DGKB: variants seen among roughly 807,000 people sequenced by gnomAD.
DGKB encodes the protein 90 kDa diacylglycerol kinase.
Under a neutral mutation model 114.3 loss-of-function variants are expected in DGKB, and 67 were observed. The ratio of observed to expected loss-of-function variants is 0.59; its 90% CI spans 0.48 to 0.72. The LOEUF (loss-of-function observed/expected upper bound fraction) is 0.72. Ranked by LOEUF, DGKB falls within the 30% of genes least tolerant of loss-of-function variation. DGKB has a pLI of 0.00. For missense variants in DGKB, 907 were observed against 975.2 expected, an observed-to-expected ratio of 0.93 and a Z score of 0.93; for synonymous variants, 398 against 323.1, an observed-to-expected ratio of 1.23 and a Z score of -2.49.
At chr7:14,372,966 C>A (rs771035520) in intron 21 of DGKB, among the ~76,000 whole-genome samples, 29 of 152,120 alleles carry the variant, frequency 1.9e-4, no homozygotes, top group Non-Finnish European at 3.2e-4. Flanking sequence ...TATCTCCTGG[C>A]CATTTTATGG....
chr7:14,569,904 G>C (rs1015526115), intron 20 of DGKB, among the ~76,000 whole-genome samples: 2 of 151,224 alleles, frequency 1.3e-5, no homozygotes, highest in African/African-American at 4.8e-5. Flanking sequence ...TCTTTATATA[G>C]GTCATGTGTA....
intron 4 of DGKB, among the ~76,000 whole-genome samples, chr7:14,738,850 A>G (rs1317093171): frequency 6.6e-6 from 1 of 152,230 alleles, no homozygotes; most frequent in East Asian, 1.9e-4. Flanking sequence ...CCATAATTAT[A>G]CCTTAAAACA....
At chr7:14,519,828 C>A (rs1789453497) in intron 20 of DGKB, among the ~76,000 whole-genome samples, 1 of 151,726 alleles carries the variant, frequency 6.6e-6, no homozygotes, top group Admixed American at 6.6e-5. Flanking sequence ...TCTTCATTTT[C>A]TTATTAGCAT....
intron 23 of DGKB, chr7:14,191,057 G>T (rs181089488): frequency 7.1e-4 from 110 of 155,428 alleles, no homozygotes; most frequent in African/African-American, 2.4e-3. Context: ...GTTACTACTT[G>T]ATTATTATTG....
chr7:14,634,841 T>C (rs1810435331), intron 13 of DGKB, among the ~76,000 whole-genome samples: 1 of 151,610 alleles, frequency 6.6e-6, no homozygotes, highest in Non-Finnish European at 1.5e-5. Context: ...ACTTTATAAT[T>C]CTTGAGGTCC....
chr7:14,943,829 C>T (rs891856943), intron 1 of DGKB, among the ~76,000 whole-genome samples: 6 of 151,912 alleles, frequency 3.9e-5, no homozygotes, highest in Admixed American at 3.3e-4. Context: ...CTTCTGAATT[C>T]TTTACTACAT....
intron 14 of DGKB, among the ~76,000 whole-genome samples, chr7:14,625,506 T>C (rs1808414830): frequency 7.4e-6 from 1 of 134,288 alleles, no homozygotes; most frequent in African/African-American, 2.7e-5. Flanking sequence ...ATTACCAATG[T>C]TGAAGTTATT....
At chr7:14,752,717 G>C (rs1413765860) in intron 4 of DGKB, among the ~76,000 whole-genome samples, 1 of 152,132 alleles carries the variant, frequency 6.6e-6, no homozygotes. Flanking sequence ...AAAAGCTAGA[G>C]CTTATTTTGA....
intron 2 of DGKB, among the ~76,000 whole-genome samples, chr7:14,785,901 T>C (rs1448257115): frequency 1.3e-5 from 2 of 152,048 alleles, no homozygotes; most frequent in Admixed American, 1.3e-4. Context: ...TTCTTTTTTT[T>C]TTTTTGCAAG....
chr7:14,901,813 G>A (rs950159352), intron 1 of DGKB, among the ~76,000 whole-genome samples: 1 of 152,002 alleles, frequency 6.6e-6, no homozygotes, highest in South Asian at 2.1e-4. Flanking sequence ...AAAAGAGTTG[G>A]TTATCTGCAA....
At chr7:14,417,167 T>C (rs1160134903) in intron 21 of DGKB, among the ~76,000 whole-genome samples, 1 of 152,068 alleles carries the variant, frequency 6.6e-6, no homozygotes, top group Non-Finnish European at 1.5e-5. Flanking sequence ...CCATAATGAT[T>C]AGGTGTTTTC....
chr7:14,483,646 T>G (rs2128917278), intron 20 of DGKB, among the ~76,000 whole-genome samples: 1 of 152,218 alleles, frequency 6.6e-6, no homozygotes, highest in East Asian at 1.9e-4. Context: ...GGTAAAGGTT[T>G]TTGAAAATAT....
chr7:14,937,301 T>C (rs1203368974), intron 1 of DGKB, among the ~76,000 whole-genome samples: 1 of 151,992 alleles, frequency 6.6e-6, no homozygotes, highest in Non-Finnish European at 1.5e-5. Flanking sequence ...GACTCTCCTA[T>C]AAAAAGACGC....
At chr7:14,452,067 G>C (rs1477666556) in intron 21 of DGKB, among the ~76,000 whole-genome samples, 2 of 152,044 alleles carry the variant, frequency 1.3e-5, no homozygotes, top group Admixed American at 6.6e-5. Flanking sequence ...TATTTGGAAA[G>C]GTACACCTGT....
chr7:14,705,880 A>T (rs987631931), intron 6 of DGKB, among the ~76,000 whole-genome samples: 2 of 152,208 alleles, frequency 1.3e-5, no homozygotes, highest in Non-Finnish European at 2.9e-5. Flanking sequence ...TGTAAAGACC[A>T]TCGAGACTAG....
At chr7:14,813,414 T>C (rs1002739303) in intron 2 of DGKB, among the ~76,000 whole-genome samples, 2 of 152,166 alleles carry the variant, frequency 1.3e-5, no homozygotes, top group Non-Finnish European at 2.9e-5. Context: ...GGAAACAAAG[T>C]AATCTGCAGC....
At chr7:14,452,660 TTTATA>T (rs1831697644) in intron 21 of DGKB, among the ~76,000 whole-genome samples, 1 of 152,114 alleles carries the variant, frequency 6.6e-6, no homozygotes, top group African/African-American at 2.4e-5. Flanking sequence ...ACTGACTGAA[TTTATA>T]TTATATAATA....
rs1199620576 is a variant in DGKB, at chr7:14,145,283, T to C, written c.*3848A>G. 6.6e-6 allele frequency: 1 copy of C among 152,152 alleles called. No homozygotes were observed. Among genetic ancestry groups the C allele is most frequent in the Non-Finnish European group, 1.5e-5 (1 of 68,038 alleles). 9.4% of individuals were successfully genotyped at this position (152,152 alleles called of 1,614,324 possible). The stretch of plus-strand genomic sequence containing the variant: ...AAGCTCTTTTACAGGGTTTTATTTA[T>C]TTATTTTCTTAAAGTTTACAGCTTT... On this transcript the variant is annotated 3_prime_UTR_variant, in exon 26 of 26. Transcript: ENST00000402815.
At chr7:14,743,941 G>A (rs1056953412) in intron 4 of DGKB, among the ~76,000 whole-genome samples, 2 of 152,108 alleles carry the variant, frequency 1.3e-5, no homozygotes, top group South Asian at 4.1e-4. Context: ...CTGGACTAAA[G>A]GGAAAACGTA....
Sources: allele counts gnomAD v4.1 joint callset (sites outside exome capture counted in the v4.1 genomes callset), GRCh38; gene constraint gnomAD v4.1.1; transcripts MANE v1.5; gene names NCBI Gene and HGNC (gene_info 2026-07-23, HGNC 2026-07-21).